RBFOX1: variants seen among roughly 807,000 people sequenced by gnomAD.
RBFOX1 encodes RNA binding protein fox-1 homolog 1.
In RBFOX1, 8 loss-of-function variants were observed where a neutral mutation model predicts 57.7. The ratio of observed to expected loss-of-function variants is 0.14; its 90% CI spans 0.08 to 0.25. The LOEUF (loss-of-function observed/expected upper bound fraction) is 0.25. RBFOX1 is among the 10% of genes least tolerant of loss of function. RBFOX1 has a pLI of 1.00. For missense variants in RBFOX1, 611 were observed against 548.5 expected (o/e 1.11, Z -1.14); for synonymous variants, 326 against 222.4 (o/e 1.47, Z -4.15).
In RBFOX1 at chr16:6,274,001, G is replaced by C. The variant is rs1263354794; in HGVS notation, c.-126-42994G>C. On this transcript the variant is annotated intron_variant, in intron 1 of 15. Transcript: ENST00000550418. ...AAATTAAAACTGCAGTGTGGTATCA[G>C]TGCACACCTATCAGAAGGGCTAAAA... Among the ~76,000 whole-genome samples, 4 of 152,184 alleles carry C rather than the reference G, an allele frequency of 2.6e-5. No individual in the cohort carries two copies. In the East Asian group the frequency reaches 7.7e-4, roughly 29 times the overall value.
At chr16:5,243,656 A>G (rs562449112) in intron 1 of RBFOX1, among the ~76,000 whole-genome samples, 44 of 152,040 alleles carry the variant, frequency 2.9e-4, no homozygotes, top group Middle Eastern at 3.4e-3. Flanking sequence ...GAGCAAAACC[A>G]CCCCAGTTGA....
intron 2 of RBFOX1, among the ~76,000 whole-genome samples, chr16:6,553,427 A>G (rs971794536): frequency 2.0e-5 from 3 of 152,166 alleles, no homozygotes; most frequent in Non-Finnish European, 2.9e-5. Context: ...TCTTTTTGAG[A>G]TAAGTTAGCT....
At chr16:7,280,349 A>G (rs1028803599) in intron 4 of RBFOX1, among the ~76,000 whole-genome samples, 5 of 152,212 alleles carry the variant, frequency 3.3e-5, no homozygotes, top group African/African-American at 1.2e-4. Context: ...CCCTAAGACT[A>G]TTAACAGTAG....
At chr16:7,330,517 T>A (rs1568240529) in intron 4 of RBFOX1, among the ~76,000 whole-genome samples, 3 of 125,038 alleles carry the variant, frequency 2.4e-5, no homozygotes, top group South Asian at 2.5e-4. Context: ...TGTTTGTGTG[T>A]GTGTGTGTAG....
At chr16:5,782,419 C>T (rs1184240008) in intron 3 of RBFOX1, among the ~76,000 whole-genome samples, 1 of 152,138 alleles carries the variant, frequency 6.6e-6, no homozygotes, top group Admixed American at 6.5e-5. Context: ...GACATTAATG[C>T]ATTTGAGAGG....
chr16:6,207,968 T>A (rs958618809), intron 1 of RBFOX1, among the ~76,000 whole-genome samples: 1 of 152,072 alleles, frequency 6.6e-6, no homozygotes, highest in Non-Finnish European at 1.5e-5. Context: ...ATTAGGGAGA[T>A]GTTGTAGTGA....
At chr16:6,478,406 T>TATATATATAC (rs2095309979) in intron 2 of RBFOX1, among the ~76,000 whole-genome samples, 10 of 18,860 alleles carry the variant, frequency 5.3e-4, no homozygotes, top group African/African-American at 3.1e-3. Context: ...TATATATATA[T>TATATATATAC]ATATATATAT....
At chr16:7,348,005 G>T (rs955792136) in intron 4 of RBFOX1, among the ~76,000 whole-genome samples, 1 of 152,168 alleles carries the variant, frequency 6.6e-6, no homozygotes, top group African/African-American at 2.4e-5. Context: ...CAGTCTTAAC[G>T]AGCAGTCAAT....
intron 2 of RBFOX1, among the ~76,000 whole-genome samples, chr16:6,419,315 C>A (rs1567231153): frequency 6.6e-6 from 1 of 152,076 alleles, no homozygotes; most frequent in Non-Finnish European, 1.5e-5. Flanking sequence ...CTGGAATTGC[C>A]TGTTGACATA....
intron 1 of RBFOX1, among the ~76,000 whole-genome samples, chr16:6,215,851 G>A (rs191507092): frequency 1.0e-3 from 155 of 152,240 alleles, no homozygotes; most frequent in African/African-American, 3.5e-3. Flanking sequence ...TTATAACCCA[G>A]TATGAATCAA....
At chr16:7,539,096 C>T (rs947686675) in intron 5 of RBFOX1, among the ~76,000 whole-genome samples, 1 of 152,136 alleles carries the variant, frequency 6.6e-6, no homozygotes, top group African/African-American at 2.4e-5. Context: ...AAAATAAGGT[C>T]ATCTCAGATT....
intron 10 of RBFOX1, among the ~76,000 whole-genome samples, chr16:7,622,246 C>G (rs746989762): frequency 3.3e-5 from 5 of 152,108 alleles, no homozygotes; most frequent in African/African-American, 4.8e-5. Context: ...AAAAAGAGTT[C>G]TCTATGCTTC....
chr16:6,015,013 G>T (rs950887532), upstream of RBFOX1, among the ~76,000 whole-genome samples: 1 of 151,754 alleles, frequency 6.6e-6, no homozygotes, highest in Admixed American at 6.6e-5. Flanking sequence ...ACACCACTAC[G>T]CCTGGCTAAT....
chr16:6,585,588 C>G (rs1297080350), intron 2 of RBFOX1, among the ~76,000 whole-genome samples: 1 of 152,054 alleles, frequency 6.6e-6, no homozygotes, highest in Non-Finnish European at 1.5e-5. Flanking sequence ...CTGGGTAGGA[C>G]TCTTCCAGTC....
rs192981514 is a variant in RBFOX1 at position 7,507,779 on chromosome 16, G to A, written c.28-10368G>A. 4.4e-3 allele frequency among the ~76,000 whole-genome samples: 664 copies of A among 152,002 alleles called. 2 individuals are homozygous for A. The highest frequency in any genetic ancestry group is 0.02 in the Middle Eastern group (6 of 294). ...GCGGTTTCACCGTGTTAGCCAGGACGGTCTCGATGTCCTGACGTCGTGATC... is the reference window on the plus strand; with the variant it reads ...GCGGTTTCACCGTGTTAGCCAGGACAGTCTCGATGTCCTGACGTCGTGATC... On this transcript the variant is annotated intron_variant, in intron 4 of 15. Transcript: ENST00000550418.
chr16:6,338,795 G>A (rs1567967964), intron 2 of RBFOX1, among the ~76,000 whole-genome samples: 2 of 152,148 alleles, frequency 1.3e-5, no homozygotes, highest in East Asian at 1.9e-4. Context: ...ACTTTCAAAA[G>A]TACGGAACAA....
chr16:7,490,291 T>G (rs1255123248), intron 4 of RBFOX1, among the ~76,000 whole-genome samples: 1 of 152,180 alleles, frequency 6.6e-6, no homozygotes, highest in Non-Finnish European at 1.5e-5. Flanking sequence ...AGTGTGCAGT[T>G]TCTGATCTTG....
intron 3 of RBFOX1, among the ~76,000 whole-genome samples, chr16:6,752,136 G>T (rs2075044449): frequency 6.6e-6 from 1 of 152,082 alleles, no homozygotes; most frequent in African/African-American, 2.4e-5. Flanking sequence ...CGAGTGTTTT[G>T]CATTCCATTA....
At chr16:7,569,230 A>G (rs185310781) in intron 5 of RBFOX1, among the ~76,000 whole-genome samples, 2 of 152,260 alleles carry the variant, frequency 1.3e-5, no homozygotes, top group Admixed American at 1.3e-4. Context: ...TCCACAACAC[A>G]AGTATATTAG....
Sources: allele counts gnomAD v4.1 joint callset (sites outside exome capture counted in the v4.1 genomes callset), GRCh38; gene constraint gnomAD v4.1.1; transcripts MANE v1.5; gene names NCBI Gene and HGNC (gene_info 2026-07-23, HGNC 2026-07-21).